Variants in TIAM1 observed in about 807,000 individuals in gnomAD.
TIAM1 encodes rho guanine nucleotide exchange factor TIAM1.
In TIAM1, 65 loss-of-function variants were observed where a neutral mutation model predicts 163.5. That is an observed-to-expected ratio of 0.40 (90% confidence interval 0.33 to 0.49). The LOEUF (loss-of-function observed/expected upper bound fraction) is 0.49, where lower values mean the gene tolerates loss of function less well. TIAM1 is among the 20% of genes least tolerant of loss of function. The pLI, the probability that TIAM1 is intolerant of heterozygous loss-of-function variation, is 0.77. For synonymous variants in TIAM1, 833 were observed against 810.1 expected (o/e 1.03, Z -0.48); for missense variants, 1,789 against 2,044.7 (o/e 0.87, Z 2.41).
chr21:31,335,779 T>C (rs2075819830), intron 2 of TIAM1, among the ~76,000 whole-genome samples: 1 of 152,136 alleles, frequency 6.6e-6, no homozygotes, highest in African/African-American at 2.4e-5. Flanking sequence ...GACATGCTCA[T>C]CTAAATGTCT....
chr21:31,515,157 C>T (rs1421890973), intron 1 of TIAM1, among the ~76,000 whole-genome samples: 1 of 152,140 alleles, frequency 6.6e-6, no homozygotes, highest in East Asian at 1.9e-4. Context: ...TCTTCGCTAT[C>T]GACCCACAGG....
chr21:31,369,014 C>T (rs912085873), intron 2 of TIAM1, among the ~76,000 whole-genome samples: 13 of 151,650 alleles, frequency 8.6e-5, no homozygotes, highest in South Asian at 4.2e-4. Context: ...CCGAGGCGGG[C>T]GGATCACGAG....
intron 1 of TIAM1, among the ~76,000 whole-genome samples, chr21:31,505,609 A>T (rs1022024317): frequency 6.6e-6 from 1 of 152,162 alleles, no homozygotes; most frequent in Non-Finnish European, 1.5e-5. Flanking sequence ...TGTGGGGGAA[A>T]AAATCAGTGG....
At chr21:31,535,380 C>CCA (rs1447512228) in intron 1 of TIAM1, among the ~76,000 whole-genome samples, 14 of 54,300 alleles carry the variant, frequency 2.6e-4, no homozygotes, top group South Asian at 1.1e-3. Flanking sequence ...GGCTCCATCT[C>CCA]AAAAAAAAAA....
chr21:31,173,948 C>T (rs1465114669), intron 15 of TIAM1, among the ~76,000 whole-genome samples: 2 of 152,192 alleles, frequency 1.3e-5, no homozygotes, highest in African/African-American at 4.8e-5. Context: ...AGGGCCCACG[C>T]AGGCAGGCCA....
At chr21:31,507,880 G>GTCC (rs2047084350) in intron 1 of TIAM1, among the ~76,000 whole-genome samples, 1 of 152,200 alleles carries the variant, frequency 6.6e-6, no homozygotes, top group Non-Finnish European at 1.5e-5. Flanking sequence ...ATATGCTGAA[G>GTCC]TCCTACCTGT....
chr21:31,210,592 A>AAAGAAAGAAAGAAAG (rs1555890890), intron 10 of TIAM1, among the ~76,000 whole-genome samples: 5 of 88,746 alleles, frequency 5.6e-5, no homozygotes, highest in Admixed American at 2.6e-4. Flanking sequence ...GAAAGAAAGA[A>AAAGAAAGAAAGAAAG]AGAGAGAAAG....
chr21:31,532,024 G>A (rs1456647973), intron 1 of TIAM1, among the ~76,000 whole-genome samples: 1 of 152,108 alleles, frequency 6.6e-6, no homozygotes. Flanking sequence ...AGCTGAGGTA[G>A]GAGGATTCCT....
intron 2 of TIAM1, among the ~76,000 whole-genome samples, chr21:31,426,128 C>T (rs1444716882): frequency 6.6e-6 from 1 of 152,120 alleles, no homozygotes; most frequent in Non-Finnish European, 1.5e-5. Context: ...ATCACCCAAG[C>T]AGTGTACACT....
At chr21:31,327,416 G>C (rs1046609234) in intron 2 of TIAM1, among the ~76,000 whole-genome samples, 8 of 152,052 alleles carry the variant, frequency 5.3e-5, no homozygotes, top group African/African-American at 1.9e-4. Flanking sequence ...GAGGTGGGCA[G>C]ATCATTTGAG....
At chr21:31,158,016 T>A (rs531529452) in intron 16 of TIAM1, among the ~76,000 whole-genome samples, 1 of 152,226 alleles carries the variant, frequency 6.6e-6, no homozygotes, top group Admixed American at 6.5e-5. Flanking sequence ...TGGGTTTTCA[T>A]TCCATCTGTT....
Position 31,211,918 on chromosome 21 carries a change from C to T in TIAM1, c.2217+1480G>A, listed in dbSNP as rs765048131. On this transcript the variant is annotated intron_variant, in intron 10 of 27. Transcript: ENST00000541036. Reference sequence around the variant, plus strand: ...GCTACACAGAAATCCAATGGAAAAACTTTCGCAGTTTCCAAGTTCTGTGGT... The same window carrying T: ...GCTACACAGAAATCCAATGGAAAAATTTTCGCAGTTTCCAAGTTCTGTGGT... Among the ~76,000 whole-genome samples, 14 of 152,308 alleles carry T rather than the reference C, an allele frequency of 9.2e-5. No individual in the cohort carries two copies. In the Middle Eastern group the frequency reaches 0.01, roughly 111 times the overall value.
chr21:31,347,071 T>C (rs1239581654), upstream of TIAM1, among the ~76,000 whole-genome samples: 4 of 152,160 alleles, frequency 2.6e-5, no homozygotes, highest in Non-Finnish European at 4.4e-5. Flanking sequence ...AATACATACA[T>C]GTTGGATTAA....
At chr21:31,239,482 T>C (rs1313967661) in intron 6 of TIAM1, among the ~76,000 whole-genome samples, 1 of 152,090 alleles carries the variant, frequency 6.6e-6, no homozygotes, top group Non-Finnish European at 1.5e-5. Flanking sequence ...CATTATAGCA[T>C]GTAGATTTAA....
chr21:31,130,531 A>T (rs561206795), intron 24 of TIAM1, among the ~76,000 whole-genome samples: 5 of 152,290 alleles, frequency 3.3e-5, no homozygotes, highest in South Asian at 2.1e-4. Context: ...TGCTAAGCAA[A>T]TGCAGTGAAG....
At chr21:31,488,801 A>T (rs907737081) in intron 1 of TIAM1, among the ~76,000 whole-genome samples, 4 of 152,172 alleles carry the variant, frequency 2.6e-5, no homozygotes, top group Non-Finnish European at 5.9e-5. Context: ...TTGGGTGGGG[A>T]CACAAATCTT....
At chr21:31,252,356 AC>A (rs2071860904) in intron 4 of TIAM1, among the ~76,000 whole-genome samples, 167 bp from the exon 5 acceptor site, 1 of 152,088 alleles carries the variant, frequency 6.6e-6, no homozygotes, top group African/African-American at 2.4e-5. Flanking sequence ...TCAACCCTGG[AC>A]CCGCACAGAC....
intron 3 of TIAM1, among the ~76,000 whole-genome samples, chr21:31,267,570 C>T (rs529584763): frequency 1.3e-3 from 163 of 129,996 alleles, no homozygotes; most frequent in African/African-American, 4.1e-3. Context: ...CAAAATCAAT[C>T]AAAAATGGAA....
In TIAM1 at chr21:31,141,031, C is replaced by T; in HGVS notation, c.3774+87G>A. 3 of 1,015,952 alleles carry T rather than the reference C, an allele frequency of 3.0e-6. No individual in the cohort carries two copies. The highest frequency in any genetic ancestry group is 4.3e-6 in the Non-Finnish European group (3 of 698,008). 62.9% of individuals were successfully genotyped at this position (1,015,952 alleles called of 1,614,324 possible). ...TCCTAACTATTTTACTTACAAGTAA[C>T]ACCTTTTTAAAAAATAAATAAATAA... On this transcript the variant is annotated intron_variant, in intron 22 of 27. Coordinates refer to ENST00000541036, the MANE Select transcript of TIAM1 (RefSeq NM_001353694.2). The surrounding 1 kb of genome is among the most constrained non-coding windows in gnomAD (Gnocchi z 4.7).
Sources: allele counts gnomAD v4.1 joint callset (sites outside exome capture counted in the v4.1 genomes callset), GRCh38; gene constraint gnomAD v4.1.1; non-coding constraint Gnocchi (gnomAD v3.1); transcripts MANE v1.5; gene names NCBI Gene and HGNC (gene_info 2026-07-23, HGNC 2026-07-21).